The following CACNA1H variants were observed in gnomAD, a reference collection of about 807,000 sequenced individuals.
CACNA1H encodes voltage-dependent T-type calcium channel subunit alpha-1H.
A neutral mutation model predicts 192.5 loss-of-function variants in CACNA1H; 149 were observed. The observed-to-expected ratio is 0.77, with a 90% confidence interval of 0.68 to 0.89. The LOEUF is 0.89. CACNA1H is among the 40% of genes least tolerant of loss of function. The pLI is 0.00. For missense variants in CACNA1H, 4,257 were observed against 3,423.5 expected, an observed-to-expected ratio of 1.24 and a Z score of -6.08; for synonymous variants, 2,202 against 1,475.2, an observed-to-expected ratio of 1.49 and a Z score of -11.29.
intron 2 of CACNA1H, among the ~76,000 whole-genome samples, chr16:1,184,960 G>C (rs1342870089): frequency 6.6e-6 from 1 of 152,148 alleles, no homozygotes; most frequent in African/African-American, 2.4e-5. Context: ...AGCGACCTTC[G>C]TGTTGTTGAA....
rs761674352 is a variant in CACNA1H, at chr16:1,214,994, A to G, written c.4952A>G (p.Tyr1651Cys). The G allele has an allele frequency of 6.2e-7, 1 of 1,611,382 alleles. No homozygotes were observed. The highest frequency in any genetic ancestry group is 1.1e-5 in the South Asian group (1 of 90,510). The stretch of plus-strand genomic sequence containing the variant: ...CAGTCGCTGGACGAGGCCCTCAAGT[A>G]CTGCAACTACGTCTTCACCATCGTG... ...QPKSLDEALK[Y>C]CNYVFTIVFV... The change falls in exon 28 of 35, where the codon TAC becomes TGC. Residue 1651 changes from tyrosine (Y) to cysteine (C), a missense_variant. By Grantham distance (194) the Tyr-to-Cys change is radical. Transcript: ENST00000348261.
At chr16:1,159,127 G>A (rs1441803467) in intron 2 of CACNA1H, among the ~76,000 whole-genome samples, 1 of 152,234 alleles carries the variant, frequency 6.6e-6, no homozygotes, top group East Asian at 1.9e-4. Context: ...GTGCAGAGTG[G>A]GGAGAGCCTC....
At chr16:1,154,171 G>C in intron 2 of CACNA1H, 135 bp downstream of exon 2, 2 of 579,320 alleles carry the variant, frequency 3.5e-6, no homozygotes, top group African/African-American at 2.0e-5. Context: ...GCGCGCGGGG[G>C]TGCAGGGCAG....
intron 8 of CACNA1H, among the ~76,000 whole-genome samples, chr16:1,201,436 G>A (rs1008143189): frequency 3.9e-5 from 6 of 152,188 alleles, no homozygotes; most frequent in African/African-American, 7.2e-5. Flanking sequence ...CAGGAAAGAG[G>A]GTTCCAGGTC....
intron 5 of CACNA1H, among the ~76,000 whole-genome samples, chr16:1,197,709 G>C (rs1253729574): frequency 6.6e-5 from 10 of 152,156 alleles, no homozygotes; most frequent in Non-Finnish European, 4.4e-5. Flanking sequence ...TCCTGGCTCT[G>C]ACTCACCCTT....
At chr16:1,181,952 G>A (rs1434614322) in intron 2 of CACNA1H, among the ~76,000 whole-genome samples, 3 of 149,528 alleles carry the variant, frequency 2.0e-5, no homozygotes, top group Admixed American at 6.7e-5. Context: ...ACGCCCCCTC[G>A]CACACGCATG....
At chr16:1,162,046 C>T (rs905629425) in intron 2 of CACNA1H, among the ~76,000 whole-genome samples, 32 of 152,246 alleles carry the variant, frequency 2.1e-4, no homozygotes, top group African/African-American at 6.7e-4. Flanking sequence ...GGGGTCGTGT[C>T]ACCTCCTGGG....
intron 8 of CACNA1H, 131 bp downstream of exon 8, chr16:1,200,939 G>C: frequency 1.5e-6 from 1 of 666,204 alleles, no homozygotes; most frequent in Non-Finnish European, 2.6e-6. Flanking sequence ...GGGGAGGGAG[G>C]CAGAGCTTGC....
intron 24 of CACNA1H, 25 bp downstream of exon 24, chr16:1,211,830 G>A (rs779990563): frequency 6.2e-7 from 1 of 1,611,408 alleles, no homozygotes; most frequent in Middle Eastern, 1.6e-4. Flanking sequence ...GTCGAGCTGG[G>A]TCACCTCAGG....
intron 2 of CACNA1H, among the ~76,000 whole-genome samples, chr16:1,188,991 A>G (rs998125022): frequency 7.2e-5 from 11 of 151,864 alleles, no homozygotes; most frequent in Admixed American, 6.5e-4. Context: ...GGGCCCCCCC[A>G]GGTCCTGAGA....
intron 15 of CACNA1H, 46 bp from the exon 16 acceptor site, chr16:1,207,967 G>A (rs1466617305): frequency 6.4e-7 from 1 of 1,557,960 alleles, no homozygotes; most frequent in Admixed American, 1.9e-5. Context: ...TCCTGGTCCT[G>A]GGAGCCTGGC....
intron 2 of CACNA1H, among the ~76,000 whole-genome samples, chr16:1,183,694 G>T (rs957859594): frequency 2.0e-5 from 3 of 152,268 alleles, no homozygotes; most frequent in African/African-American, 7.2e-5. Flanking sequence ...CTGCAGGTTT[G>T]ATGTACTTTC....
intron 2 of CACNA1H, among the ~76,000 whole-genome samples, chr16:1,174,844 C>T (rs1964706811): frequency 6.6e-6 from 1 of 152,188 alleles, no homozygotes; most frequent in African/African-American, 2.4e-5. Context: ...GGCCTCGAGG[C>T]TCCCCGGGGC....
rs1054649 is a variant in CACNA1H at position 1,221,597 on chromosome 16, A to T, written c.*603A>T. On this transcript the variant is annotated 3_prime_UTR_variant, in exon 35 of 35. Coordinates refer to ENST00000348261, the MANE Select transcript of CACNA1H (RefSeq NM_021098.3). ...GAGTAACGCGCCCGGCCCCGATGCG[A>T]ATCAGGCCTCCCCTACATCTGGGGG... The T allele has an allele frequency of 0.12, 76,246 of 637,792 alleles. 5,418 individuals carry two copies. The highest frequency in any genetic ancestry group is 0.23 in the South Asian group (11,236 of 48,492). The allele number at this position is 637,792 out of a possible 1,614,324, so 39.5% of individuals were successfully genotyped here.
intron 31 of CACNA1H, 39 bp downstream of exon 31, chr16:1,217,049 G>A: frequency 6.6e-7 from 1 of 1,506,700 alleles, no homozygotes; most frequent in Non-Finnish European, 9.1e-7. Flanking sequence ...CACACATGGG[G>A]TCCTGACAGG....
Position 1,220,112 on chromosome 16 carries a change from C to A in CACNA1H, c.6180C>A (p.Arg2060=). The A allele has an allele frequency of 6.7e-7, 1 of 1,487,280 alleles. No homozygotes were observed. The highest frequency in any genetic ancestry group is 1.8e-4 in the Middle Eastern group (1 of 5,600). 92.1% of individuals were successfully genotyped at this position (1,487,280 alleles called of 1,614,324 possible). ...TQGGSLQSPP[R]SPRPASVRTR... Reference sequence around the variant, plus strand: ...GGGGCTCCCTGCAGTCCCCACCACGCTCCCCACGGCCCGCCAGCGTCCGCA... The same window carrying A: ...GGGGCTCCCTGCAGTCCCCACCACGATCCCCACGGCCCGCCAGCGTCCGCA... The change falls in exon 35 of 35, where the codon CGC becomes CGA. Residue 2060 remains arginine, a synonymous_variant. Coordinates refer to ENST00000348261, the MANE Select transcript of CACNA1H (RefSeq NM_021098.3).
At chr16:1,207,677 C>G (rs1196780305) in intron 14 of CACNA1H, 93 bp from the exon 15 acceptor site, 2 of 1,195,222 alleles carry the variant, frequency 1.7e-6, no homozygotes, top group South Asian at 1.3e-5. Context: ...CTGTCCACAC[C>G]CCACCTCCCA....
chr16:1,211,259 G>A lies in CACNA1H; in HGVS notation c.4315G>A (p.Ala1439Thr), dbSNP rs377604883. Residue 1439 changes from alanine to threonine, a missense_variant, in exon 22 of 35, where the codon GCC becomes ACC. Ala to Thr is a moderately conservative substitution (Grantham distance 58, BLOSUM62 0). Transcript: ENST00000348261. The part of the protein sequence containing the change: ...PIGNIVLICC[A>T]FFIIFGILGV... ...TGGGAACATCGTCCTCATCTGCTGCGCCTTCTTCATCATTTTTGGCATTTT... is the reference window on the plus strand; with the variant it reads ...TGGGAACATCGTCCTCATCTGCTGCACCTTCTTCATCATTTTTGGCATTTT... 42 of 1,613,136 alleles carry A rather than the reference G, an allele frequency of 2.6e-5. No homozygotes were observed. The highest frequency in any genetic ancestry group is 3.2e-5 in the Non-Finnish European group (38 of 1,179,766).
In CACNA1H at chr16:1,153,933, G is replaced by A. The variant is rs1242757641; in HGVS notation, c.196G>A (p.Glu66Lys). The change falls in exon 2 of 35, where the codon GAG (glutamate) becomes AAG (lysine). Residue 66 changes from glutamate to lysine, a missense_variant. Glu to Lys is a moderately conservative substitution (Grantham distance 56, BLOSUM62 1). Coordinates refer to ENST00000348261, the MANE Select transcript of CACNA1H (RefSeq NM_021098.3). ...AERGAELGAD[E>K]EQRVPYPALA... ...GCGCGGCGCGGAGCTGGGTGCCGAC[G>A]AGGAGCAGCGCGTCCCGTACCCGGC... 1 of 1,456,572 alleles carries A rather than the reference G, an allele frequency of 6.9e-7. No individual in the cohort carries two copies. The allele number at this position is 1,456,572 out of a possible 1,614,324, so 90.2% of individuals were successfully genotyped here. A position where few individuals can be genotyped will look rare whatever the true frequency, so the allele number is the denominator to read the frequency against.
Sources: allele counts gnomAD v4.1 joint callset (sites outside exome capture counted in the v4.1 genomes callset), GRCh38; gene constraint gnomAD v4.1.1; transcripts MANE v1.5; gene names NCBI Gene and HGNC (gene_info 2026-07-23, HGNC 2026-07-21).